Variants in DMXL1 observed in about 807,000 individuals in gnomAD.
DMXL1 encodes dmX-like protein 1.
In DMXL1, 99 loss-of-function variants were observed where a neutral mutation model predicts 319.2. That is an observed-to-expected ratio of 0.31 (90% confidence interval 0.26 to 0.37). DMXL1 has a LOEUF of 0.37. Ranked by LOEUF, DMXL1 falls within the 10% of genes least tolerant of loss-of-function variation. DMXL1 has a pLI of 1.00. For missense variants in DMXL1, 3,745 were observed against 3,595.6 expected (o/e 1.04, Z -1.06); for synonymous variants, 1,385 against 1,235.2 (o/e 1.12, Z -2.54).
chr5:119,193,330 T>C (rs1421162089), intron 29 of DMXL1, among the ~76,000 whole-genome samples: 1 of 152,104 alleles, frequency 6.6e-6, no homozygotes, highest in Non-Finnish European at 1.5e-5. Flanking sequence ...TTTCCCAAAC[T>C]CTTTCTGCAT....
Position 119,097,980 on chromosome 5 carries a change from C to T in DMXL1, c.89C>T (p.Ala30Val). 1.2e-6 allele frequency: 2 copies of T among 1,603,402 alleles called. No individual in the cohort carries two copies. The highest frequency in any genetic ancestry group is 1.7e-6 in the Non-Finnish European group (2 of 1,175,338). ...ATTTTTATTTATTTATTTTTTTAGG[C>T]TTATGCATCTGGATGTGACATTGTA... is the stretch of plus-strand genomic sequence containing the variant. ...VGSIGDQRFT[A>V]YASGCDIVIL... Residue 30 changes from alanine (A) to valine (V), a missense_variant and splice_region_variant, in exon 2 of 44, where the codon GCT becomes GTT. This residue lies in a region of DMXL1 where 2,096 missense variants were observed against 1,985.4 expected (regional missense o/e 1.06). Coordinates refer to ENST00000539542, the MANE Select transcript of DMXL1 (RefSeq NM_001290321.3).
chr5:119,078,677 C>T (rs1751532054), intron 1 of DMXL1, among the ~76,000 whole-genome samples: 1 of 152,074 alleles, frequency 6.6e-6, no homozygotes, highest in African/African-American at 2.4e-5. Context: ...GTCTCAAACT[C>T]CTGGGCTCCA....
rs929069749 is a variant in DMXL1, at chr5:119,116,236, A to G, written c.643A>G (p.Lys215Glu). The change falls in exon 7 of 44, where the codon AAA becomes GAA. Residue 215 changes from lysine to glutamate, a missense_variant. Physicochemically the swap from Lys to Glu is moderately conservative, Grantham distance 56. Around this residue, in one of 4 missense-constraint regions of DMXL1, gnomAD observed 2,096 missense variants for 1,985.4 expected, o/e 1.06. Transcript: ENST00000539542. ...TACTTCTCCAGATGGAAGTTCAGAAAAACAATCCCAAGGAGAAATTGACTT... is the reference window on the plus strand; with the variant it reads ...TACTTCTCCAGATGGAAGTTCAGAAGAACAATCCCAAGGAGAAATTGACTT... ...AVTSPDGSSE[K>E]QSQGEIDFSF... The G allele has an allele frequency of 2.5e-6, 4 of 1,614,046 alleles. No homozygotes were observed. In the African/African-American group the frequency reaches 4.0e-5, roughly 16 times the overall value.
chr5:119,115,631 C>T (rs982373820), intron 6 of DMXL1, among the ~76,000 whole-genome samples: 1 of 152,072 alleles, frequency 6.6e-6, no homozygotes, highest in Admixed American at 6.6e-5. Context: ...ACATTCTAGT[C>T]CCCTTTGCTT....
chr5:119,227,383 A>T (rs958351048), intron 38 of DMXL1, among the ~76,000 whole-genome samples: 1 of 152,180 alleles, frequency 6.6e-6, no homozygotes, highest in Admixed American at 6.6e-5. Context: ...GAACATTAAT[A>T]AGGAATCTCA....
At chr5:119,237,464 A>G (rs774797772) in intron 40 of DMXL1, 50 bp downstream of exon 40, 14 of 1,148,658 alleles carry the variant, frequency 1.2e-5, no homozygotes, top group Admixed American at 1.8e-5. Flanking sequence ...TTCATTTTAA[A>G]TAAACCAAGA....
intron 13 of DMXL1, among the ~76,000 whole-genome samples, chr5:119,143,297 T>C (rs567133394): frequency 6.6e-6 from 1 of 151,702 alleles, no homozygotes; most frequent in Admixed American, 6.6e-5. Context: ...TGGTGTATAA[T>C]GGAAGGCAAA....
chr5:119,119,763 G>A (rs982987778), intron 8 of DMXL1, among the ~76,000 whole-genome samples: 5 of 151,962 alleles, frequency 3.3e-5, no homozygotes, highest in African/African-American at 1.2e-4. Flanking sequence ...TACCTGCCTC[G>A]GCCTCCCAAA....
At chr5:119,239,324 C>G (rs1442695142) in intron 41 of DMXL1, among the ~76,000 whole-genome samples, 1 of 152,122 alleles carries the variant, frequency 6.6e-6, no homozygotes, top group Non-Finnish European at 1.5e-5. Context: ...TAACTGAGTT[C>G]TGAGATCAAG....
intron 13 of DMXL1, among the ~76,000 whole-genome samples, chr5:119,140,063 C>T (rs1766960324): frequency 6.6e-6 from 1 of 152,098 alleles, no homozygotes; most frequent in African/African-American, 2.4e-5. Context: ...AAGAAGTTCT[C>T]TGAAAGTAAT....
At chr5:119,198,559 C>T (rs114059339) in intron 32 of DMXL1, among the ~76,000 whole-genome samples, 2,025 of 152,250 alleles carry the variant, frequency 0.013, 23 homozygotes, top group Middle Eastern at 0.065. Context: ...CACTAAACAA[C>T]AAGCAGTCAA....
At chr5:119,211,912 G>C (rs1042264915) in intron 34 of DMXL1, among the ~76,000 whole-genome samples, 4 of 152,058 alleles carry the variant, frequency 2.6e-5, no homozygotes, top group African/African-American at 9.7e-5. Context: ...TAAACCTGTT[G>C]CTTCTCTAAT....
At chr5:119,085,904 A>T (rs1753251332) in intron 1 of DMXL1, among the ~76,000 whole-genome samples, 1 of 152,114 alleles carries the variant, frequency 6.6e-6, no homozygotes. Flanking sequence ...GGGATGTTGA[A>T]TTTTATCAAA....
In DMXL1 at chr5:119,149,085, A is replaced by G. The variant is rs1769208153; in HGVS notation, c.3258A>G (p.Thr1086=). The change falls in exon 18 of 44, where the codon ACA becomes ACG. Residue 1086 remains threonine (T), a synonymous_variant. Coordinates refer to ENST00000539542, the MANE Select transcript of DMXL1 (RefSeq NM_001290321.3). ...TAAGTATTTTTGAATGTGAGTCAAC[A>G]GGAGGTTCATGTTGGGTCCTTGAGC... ...MHVSIFECES[T]GGSCWVLEQT... The G allele has an allele frequency of 3.1e-6, 5 of 1,613,974 alleles. No homozygotes were observed. The highest frequency in any genetic ancestry group is 4.2e-6 in the Non-Finnish European group (5 of 1,179,872).
intron 40 of DMXL1, 83 bp from the exon 41 acceptor site, chr5:119,238,906 T>C: frequency 6.4e-7 from 1 of 1,551,916 alleles, no homozygotes; most frequent in Non-Finnish European, 8.7e-7. Context: ...AGAAACTACA[T>C]GATCACTTTT....
chr5:119,084,514 C>G (rs1196921300), intron 1 of DMXL1, among the ~76,000 whole-genome samples: 1 of 151,948 alleles, frequency 6.6e-6, no homozygotes, highest in African/African-American at 2.4e-5. Context: ...TTTTCTATTT[C>G]TTTGAAGAAT....
At chr5:119,074,840 T>TTTA (rs1750458313) in intron 1 of DMXL1, among the ~76,000 whole-genome samples, 1 of 152,218 alleles carries the variant, frequency 6.6e-6, no homozygotes, top group Non-Finnish European at 1.5e-5. Context: ...TGTTTAAACC[T>TTTA]AACAGTAAGG....
Position 119,171,185 on chromosome 5 carries a change from A to ATAT in DMXL1, c.6395_6396insATT (p.Met2132delinsIleLeu). 1 of 1,613,980 alleles carries ATAT rather than the reference A, an allele frequency of 6.2e-7. No individual in the cohort carries two copies. The highest frequency in any genetic ancestry group is 8.5e-7 in the Non-Finnish European group (1 of 1,179,892). ...CTTGAAGTATCAGTCACTTTTGAGA[A>ATAT]TGTTTCTTAGTTACTGCATACTTCA... On this transcript the variant is annotated protein_altering_variant, in exon 24 of 44. Coordinates refer to ENST00000539542, the MANE Select transcript of DMXL1 (RefSeq NM_001290321.3).
chr5:119,197,815 A>C lies in DMXL1; in HGVS notation c.7604A>C (p.Gln2535Pro). The change falls in exon 32 of 44, where the codon CAA (glutamine) becomes CCA (proline). Residue 2535 changes from glutamine to proline, a missense_variant. Physicochemically the swap from Gln to Pro is moderately conservative, Grantham distance 76 (BLOSUM62 -1). This residue lies in a region of DMXL1 where 1,382 missense variants were observed against 1,269.5 expected (regional missense o/e 1.09). Coordinates refer to ENST00000539542, the MANE Select transcript of DMXL1 (RefSeq NM_001290321.3). ...CTAAAAACTCTTCAATGTTGGGAAC[A>C]AGTTCTTCTCCGACGACTTGAAATC... Reference protein sequence around the residue: ...AVLKTLQCWEQVLLRRLEIHG... With the variant: ...AVLKTLQCWEPVLLRRLEIHG... 6.2e-7 allele frequency: 1 copy of C among 1,614,168 alleles called. No homozygotes were observed. Among genetic ancestry groups the C allele is most frequent in the Non-Finnish European group, 8.5e-7 (1 of 1,180,016 alleles).
Sources: gnomAD v4.1 joint callset for allele counts (sites outside exome capture counted in the v4.1 genomes callset) on GRCh38, gnomAD v4.1.1 for gene constraint, gnomAD v4.1.1 regional missense constraint, MANE v1.5 for transcripts, NCBI Gene and HGNC (gene_info 2026-07-23, HGNC 2026-07-21) for gene names.